The following CARNMT1 variants were observed in gnomAD, a reference collection of about 807,000 sequenced individuals.
The protein encoded by CARNMT1 is protein-L-histidine N-pros-methyltransferase CARNMT1.
Under a neutral mutation model 49.6 loss-of-function variants are expected in CARNMT1, and 28 were observed. The observed-to-expected ratio is 0.56, with a 90% CI of 0.42 to 0.77. The LOEUF is 0.77. CARNMT1 is among the 30% of genes least tolerant of loss of function. CARNMT1 has a pLI of 0.00. For synonymous variants in CARNMT1, 178 were observed against 175.0 expected, an observed-to-expected ratio of 1.02 and a Z score of -0.13; for missense variants, 421 against 512.6, an observed-to-expected ratio of 0.82 and a Z score of 1.73.
At chr9:75,027,990 G>A in intron 1 of CARNMT1, 22 bp downstream of exon 1, 1 of 1,550,292 alleles carries the variant, frequency 6.5e-7, no homozygotes, top group East Asian at 2.7e-5. Context: ...GTCTGGGCCG[G>A]GGTCCGCCAC....
chr9:75,000,077 A>G (rs1456964785), intron 3 of CARNMT1, among the ~76,000 whole-genome samples: 1 of 152,170 alleles, frequency 6.6e-6, no homozygotes, highest in Non-Finnish European at 1.5e-5. Flanking sequence ...TGAGGGTTTT[A>G]CCCCTCAAAA....
At chr9:75,001,648 G>A (rs1833361495) in intron 3 of CARNMT1, among the ~76,000 whole-genome samples, 1 of 152,206 alleles carries the variant, frequency 6.6e-6, no homozygotes, top group Non-Finnish European at 1.5e-5. Flanking sequence ...TGCAATGAAT[G>A]GGTAAGATGG....
chr9:74,984,727 C>T (rs1832778518), intron 7 of CARNMT1, among the ~76,000 whole-genome samples, 180 bp downstream of exon 7: 1 of 152,086 alleles, frequency 6.6e-6, no homozygotes, highest in Non-Finnish European at 1.5e-5. Context: ...GGAAAAAAAT[C>T]CAAAATCCCA....
At chr9:74,985,118 A>G in intron 6 of CARNMT1, 108 bp from the exon 7 acceptor site, 2 of 825,662 alleles carry the variant, frequency 2.4e-6, no homozygotes, top group Non-Finnish European at 1.9e-6. Context: ...GACAAACATA[A>G]AAAGTCTGGG....
chr9:74,999,918 GA>G (rs777599076), intron 3 of CARNMT1, 48 bp from the exon 4 acceptor site: 3 of 1,546,742 alleles, frequency 1.9e-6, no homozygotes, highest in South Asian at 2.5e-5. Flanking sequence ...AGAAAAAAAG[GA>G]AAAGACAAAA....
At chr9:75,026,520 C>A (rs970281595) in intron 1 of CARNMT1, among the ~76,000 whole-genome samples, 1 of 152,184 alleles carries the variant, frequency 6.6e-6, no homozygotes, top group African/African-American at 2.4e-5. Context: ...ATGGTTCTTT[C>A]CGTCACAATT....
intron 3 of CARNMT1, among the ~76,000 whole-genome samples, chr9:75,002,123 C>A (rs994562233): frequency 6.6e-6 from 1 of 152,082 alleles, no homozygotes; most frequent in African/African-American, 2.4e-5. Flanking sequence ...CAAACAGGAA[C>A]GGAGAAGGGA....
chr9:75,016,400 A>C lies in CARNMT1; in HGVS notation c.458T>G (p.Phe153Cys). The C allele has an allele frequency of 2.5e-6, 4 of 1,614,034 alleles. No individual in the cohort carries two copies. The highest frequency in any genetic ancestry group is 3.4e-6 in the Non-Finnish European group (4 of 1,179,994). ...GNGKIMPAST[F>C]DMDKLKSTLK... ...CGTGGATTTTAACTTATCCATGTCA[A>C]ATGTAGATGCTGGCATAATCTTTCC... Residue 153 changes from phenylalanine (F) to cysteine (C), a missense_variant, in exon 3 of 8, where the codon TTT (phenylalanine) becomes TGT (cysteine). By Grantham distance (205) the Phe-to-Cys change is radical. Transcript: ENST00000376834.
chr9:74,994,223 C>T (rs967956889), intron 6 of CARNMT1, among the ~76,000 whole-genome samples: 6 of 152,222 alleles, frequency 3.9e-5, no homozygotes, highest in African/African-American at 1.2e-4. Context: ...TCACTAGACA[C>T]CAACCTGGTG....
chr9:74,988,602 T>G (rs1041012531), intron 6 of CARNMT1, among the ~76,000 whole-genome samples: 2 of 152,232 alleles, frequency 1.3e-5, no homozygotes, highest in Non-Finnish European at 2.9e-5. Flanking sequence ...CATATCTGAT[T>G]ATTTGCCTCT....
intron 3 of CARNMT1, among the ~76,000 whole-genome samples, chr9:75,012,641 T>G (rs1833729588): frequency 6.6e-6 from 1 of 152,082 alleles, no homozygotes; most frequent in Admixed American, 6.6e-5. Context: ...TTCAGAATGA[T>G]CCATGCCCAA....
chr9:74,987,315 CCACA>C lies in CARNMT1; in HGVS notation c.1025-2309_1025-2306del, dbSNP rs372288377. Among the ~76,000 whole-genome samples the C allele has an allele frequency of 8.1e-3, 1,239 of 152,182 alleles. 22 individuals are homozygous for C. Among genetic ancestry groups the C allele is most frequent in the African/African-American group, 0.028 (1,162 of 41,530 alleles). ...ACGCAGGATAAATGGAAATTTGCAG[CCACA>C]CAAAGATTTATACTCATATTTAATG... On this transcript the variant is annotated intron_variant, in intron 6 of 7. Coordinates refer to ENST00000376834, the MANE Select transcript of CARNMT1 (RefSeq NM_152420.3).
At chr9:75,018,244 T>C (rs1833907284) in intron 1 of CARNMT1, among the ~76,000 whole-genome samples, 1 of 152,016 alleles carries the variant, frequency 6.6e-6, no homozygotes, top group African/African-American at 2.4e-5. Context: ...TTGTATTTTT[T>C]TGTAGAGATG....
intron 6 of CARNMT1, among the ~76,000 whole-genome samples, chr9:74,989,056 T>G (rs1832938196): frequency 6.6e-6 from 1 of 152,254 alleles, no homozygotes; most frequent in African/African-American, 2.4e-5. Flanking sequence ...GTTTATTTAC[T>G]TAACAGTGAG....
intron 6 of CARNMT1, chr9:74,996,006 A>G (rs933521566): frequency 6.6e-6 from 1 of 152,516 alleles, no homozygotes; most frequent in East Asian, 1.9e-4. Context: ...AGGTAATCAC[A>G]GAAGTTATCA....
chr9:75,014,173 A>G (rs1369710363), intron 3 of CARNMT1, among the ~76,000 whole-genome samples: 2 of 152,172 alleles, frequency 1.3e-5, no homozygotes, highest in Non-Finnish European at 2.9e-5. Context: ...GGTAAACTGC[A>G]AAGAATAAAT....
chr9:75,018,277 T>A (rs1164327095), intron 1 of CARNMT1, among the ~76,000 whole-genome samples: 1 of 152,140 alleles, frequency 6.6e-6, no homozygotes. Flanking sequence ...TTGCCCAGGC[T>A]GGTCTCAAAC....
chr9:75,007,218 A>G (rs868816290), intron 3 of CARNMT1, among the ~76,000 whole-genome samples: 6 of 152,250 alleles, frequency 3.9e-5, no homozygotes, highest in Admixed American at 2.6e-4. Context: ...CTTTAAGAAT[A>G]TAACATCTTT....
In CARNMT1 at chr9:74,999,797, C is replaced by G; in HGVS notation, c.664G>C (p.Gly222Arg). The G allele has an allele frequency of 6.2e-7, 1 of 1,612,622 alleles. No individual in the cohort carries two copies. The highest frequency in any genetic ancestry group is 1.1e-5 in the South Asian group (1 of 90,922). The stretch of plus-strand genomic sequence containing the variant: ...CATTCATTTCCTTGACAAGCATAAC[C>G]TAGCATAGCTATTTCCCAGGCCAGT... ...GRLAWEIAML[G>R]YACQGNEWSF... is the part of the protein sequence containing the mutation. Residue 222 changes from glycine (G) to arginine (R), a missense_variant, in exon 4 of 8, where the codon GGT (glycine) becomes CGT (arginine). Coordinates refer to ENST00000376834, the MANE Select transcript of CARNMT1 (RefSeq NM_152420.3).
Sources: allele counts gnomAD v4.1 joint callset (sites outside exome capture counted in the v4.1 genomes callset), GRCh38; gene constraint gnomAD v4.1.1; transcripts MANE v1.5; gene names NCBI Gene and HGNC (gene_info 2026-07-23, HGNC 2026-07-21).